Variants in ACCS observed in about 807,000 individuals in gnomAD.
The protein encoded by ACCS is 1-aminocyclopropane-1-carboxylate synthase-like protein 1.
ACCS carries 42 observed loss-of-function variants against 59.8 expected under a neutral mutation model. That is an observed-to-expected ratio of 0.70 (90% confidence interval 0.55 to 0.91). ACCS has a LOEUF of 0.91. ACCS is among the 40% of genes least tolerant of loss of function. The pLI is 0.00. For missense variants in ACCS, 602 were observed against 630.4 expected (o/e 0.95, Z 0.48); for synonymous variants, 230 against 240.3 (o/e 0.96, Z 0.40).
intron 10 of ACCS, chr11:44,080,691 G>A: frequency 2.4e-6 from 1 of 415,948 alleles, no homozygotes; most frequent in Non-Finnish European, 4.4e-6. Context: ...ATCTGTTTAG[G>A]GTACCTGATT....
At chr11:44,066,915 A>G (rs1018212629) in intron 1 of ACCS, among the ~76,000 whole-genome samples, 2 of 152,220 alleles carry the variant, frequency 1.3e-5, no homozygotes, top group African/African-American at 2.4e-5. Context: ...ATTTGTTCTA[A>G]GTACTTTATT....
rs1243064443 is a variant in ACCS at position 44,066,512 on chromosome 11, G to C, written c.-190G>C. ...AAGGCCGTTTCGGTTCTTCGTGCGC[G>C]GTAGCCGCCCCACTTGCGGGATTCC... On this transcript the variant is annotated 5_prime_UTR_variant, in exon 1 of 15. Transcript: ENST00000263776. The C allele has an allele frequency of 6.6e-6, 1 of 152,262 alleles. No individual in the cohort carries two copies. The highest frequency in any genetic ancestry group is 2.4e-5 in the African/African-American group (1 of 41,468). 9.4% of individuals were successfully genotyped at this position (152,262 alleles called of 1,614,324 possible).
chr11:44,083,357 C>T, intron 13 of ACCS, 46 bp downstream of exon 13: 1 of 1,612,938 alleles, frequency 6.2e-7, no homozygotes, highest in South Asian at 1.1e-5. Flanking sequence ...TCAGGTCTCC[C>T]TCCAGCAGGT....
rs762244459 is a variant in ACCS at position 44,083,426 on chromosome 11, C to T, written c.1257C>T (p.Tyr419=). ...GFFIWVDLRK[Y]LPKGTFEEEM... is the part of the protein sequence containing the mutation. ...CTGAGCCCCTTCCACCCTCTCAGTA[C>T]CTGCCCAAGGGCACCTTTGAGGAGG... Residue 419 remains tyrosine (Y), a splice_region_variant and synonymous_variant, in exon 14 of 15, where the codon TAC becomes TAT. Transcript: ENST00000263776. The T allele has an allele frequency of 1.2e-6, 2 of 1,614,174 alleles. No individual in the cohort carries two copies. The highest frequency in any genetic ancestry group is 1.7e-5 in the Admixed American group (1 of 60,030).
intron 8 of ACCS, 117 bp downstream of exon 8, chr11:44,078,039 C>T: frequency 7.8e-7 from 1 of 1,283,714 alleles, no homozygotes; most frequent in Non-Finnish European, 1.1e-6. Flanking sequence ...GTGATTGGGA[C>T]AGACAGGTAG....
intron 5 of ACCS, among the ~76,000 whole-genome samples, chr11:44,075,011 A>G (rs961563754): frequency 1.3e-5 from 2 of 151,094 alleles, no homozygotes; most frequent in Non-Finnish European, 2.9e-5. Context: ...TTTAGTAGAG[A>G]TGGGGTTTTA....
At chr11:44,081,090 G>GT in intron 11 of ACCS, 25 bp downstream of exon 11, 1 of 1,614,192 alleles carries the variant, frequency 6.2e-7, no homozygotes, top group East Asian at 2.2e-5. Flanking sequence ...GGCCTTGGGG[G>GT]TGTCAGAAGG....
chr11:44,067,967 G>GT, intron 2 of ACCS, 52 bp downstream of exon 2: 1 of 1,533,210 alleles, frequency 6.5e-7, no homozygotes, highest in Non-Finnish European at 8.8e-7. Flanking sequence ...GCAGGGTGGG[G>GT]TACCCTACCT....
chr11:44,071,420 C>T (rs1590463733), intron 3 of ACCS, 105 bp downstream of exon 3: 1 of 1,357,030 alleles, frequency 7.4e-7, no homozygotes, highest in East Asian at 2.3e-5. Context: ...TGGCCCTGGC[C>T]TGGGAATCAG....
At chr11:44,073,696 GC>G (rs1291323876) in intron 4 of ACCS, among the ~76,000 whole-genome samples, 179 bp downstream of exon 4, 1 of 152,220 alleles carries the variant, frequency 6.6e-6, no homozygotes, top group African/African-American at 2.4e-5. Flanking sequence ...GAATGACCTG[GC>G]CCCGAACATC....
At position 44,077,429 on chromosome 11, in the gene ACCS, T is replaced by C. The variant is rs1590494111; in HGVS notation, c.654+53T>C. 4 of 1,609,818 alleles carry C rather than the reference T, an allele frequency of 2.5e-6. No individual in the cohort carries two copies. In the East Asian group the frequency reaches 8.9e-5, roughly 36 times the overall value. On this transcript the variant is annotated intron_variant, in intron 7 of 14. Coordinates refer to ENST00000263776, the MANE Select transcript of ACCS (RefSeq NM_032592.4). ...CCTGGGCCTGCCTGTGGTCAAGAGT[T>C]TCCTGGGTCTGAATTTGAGGGTGGT...
Position 44,079,626 on chromosome 11 carries a change from G to T in ACCS, c.923+6G>T, listed in dbSNP as rs1953547133. 1.9e-6 allele frequency: 3 copies of T among 1,603,506 alleles called. No homozygotes were observed. Among genetic ancestry groups the T allele is most frequent in the South Asian group, 1.1e-5 (1 of 88,512 alleles). On this transcript the variant is annotated splice_donor_region_variant and intron_variant, in intron 10 of 14. Coordinates refer to ENST00000263776, the MANE Select transcript of ACCS (RefSeq NM_032592.4). ...AGTGTCCTAAGCCTGGAAAGGTGAG[G>T]CTCCCTGACACAGCTAACTCCCCCA...
At chr11:44,072,723 T>C (rs1953120117) in intron 3 of ACCS, among the ~76,000 whole-genome samples, 1 of 152,162 alleles carries the variant, frequency 6.6e-6, no homozygotes, top group Admixed American at 6.5e-5. Context: ...CAAAATCCAG[T>C]GTGTCTTAAT....
chr11:44,080,167 A>C (rs1953571888), intron 10 of ACCS, among the ~76,000 whole-genome samples: 1 of 152,298 alleles, frequency 6.6e-6, no homozygotes, highest in African/African-American at 2.4e-5. Flanking sequence ...GGAGGATTGC[A>C]TGAGCCCAGG....
intron 4 of ACCS, 147 bp downstream of exon 4, chr11:44,073,664 A>T: frequency 1.3e-6 from 1 of 742,042 alleles, no homozygotes; most frequent in Non-Finnish European, 2.2e-6. Flanking sequence ...TCTACAATGT[A>T]CAGGACAGCC....
rs190417762 is a variant in ACCS at position 44,072,615 on chromosome 11, A to T, written c.349-832A>T. Among the ~76,000 whole-genome samples, 162 of 152,364 alleles carry T rather than the reference A, an allele frequency of 1.1e-3. No homozygotes were observed. The East Asian group carries it at 0.011, about 10-fold the overall frequency. ...AAAACTAATTTTAATAATATATTTT[A>T]TTTAGCCCAATATATTCAAAATATG... is the stretch of plus-strand genomic sequence containing the variant. On this transcript the variant is annotated intron_variant, in intron 3 of 14. Transcript: ENST00000263776.
chr11:44,081,272 C>T lies in ACCS; in HGVS notation c.1063C>T (p.Leu355Phe), dbSNP rs1377465979. 5.6e-6 allele frequency: 9 copies of T among 1,614,268 alleles called. No homozygotes were observed. The highest frequency in any genetic ancestry group is 7.6e-6 in the Non-Finnish European group (9 of 1,180,050). The change falls in exon 12 of 15, where the codon CTC (leucine) becomes TTC (phenylalanine). Residue 355 changes from leucine to phenylalanine, a missense_variant. Transcript: ENST00000263776. ...GGCTTCCCTCTGCCGCTACCACGGC[C>T]TCAGTGGCTTGGTCCAGTACCAGAT... Reference protein sequence around the residue: ...AVASLCRYHGLSGLVQYQMAQ... With the variant: ...AVASLCRYHGFSGLVQYQMAQ...
chr11:44,070,603 C>T (rs1317583923), intron 2 of ACCS, among the ~76,000 whole-genome samples: 1 of 152,146 alleles, frequency 6.6e-6, no homozygotes, highest in Non-Finnish European at 1.5e-5. Context: ...ACCGAGTCTC[C>T]CTGGGGACTC....
chr11:44,074,349 T>C (rs1251032344), intron 4 of ACCS, among the ~76,000 whole-genome samples: 2 of 152,080 alleles, frequency 1.3e-5, no homozygotes, highest in African/African-American at 4.8e-5. Flanking sequence ...TTAGTATAAT[T>C]AGCTAGATCT....
Sources: gnomAD v4.1 joint callset for allele counts (sites outside exome capture counted in the v4.1 genomes callset) on GRCh38, gnomAD v4.1.1 for gene constraint, MANE v1.5 for transcripts, NCBI Gene and HGNC (gene_info 2026-07-23, HGNC 2026-07-21) for gene names.